Variants in SORCS2 observed in about 807,000 individuals in gnomAD.
The protein encoded by SORCS2 is VPS10 domain-containing receptor SorCS2.
A neutral mutation model predicts 141.6 loss-of-function variants in SORCS2; 100 were observed. The ratio of observed to expected loss-of-function variants is 0.71; its 90% CI spans 0.60 to 0.83. The LOEUF (loss-of-function observed/expected upper bound fraction) is 0.83. SORCS2 is among the 40% of genes least tolerant of loss of function. The pLI is 0.00. For missense variants in SORCS2, 1,646 were observed against 1,560.2 expected, an observed-to-expected ratio of 1.05 and a Z score of -0.93; for synonymous variants, 789 against 676.9, an observed-to-expected ratio of 1.17 and a Z score of -2.57.
At chr4:7,510,698 C>T (rs568143034) in intron 2 of SORCS2, among the ~76,000 whole-genome samples, 2 of 150,180 alleles carry the variant, frequency 1.3e-5, no homozygotes, top group South Asian at 2.1e-4. Context: ...TTGTTCTGGG[C>T]GCGGCATGTC....
intron 1 of SORCS2, among the ~76,000 whole-genome samples, chr4:7,340,133 A>G (rs1351845128): frequency 4.6e-5 from 7 of 152,130 alleles, no homozygotes; most frequent in African/African-American, 1.7e-4. Context: ...CCTTACCTTC[A>G]TTCTACACAG....
In SORCS2 at chr4:7,740,335, G is replaced by A. The variant is rs1712564790; in HGVS notation, c.*71G>A. 1.4e-6 allele frequency: 2 copies of A among 1,415,476 alleles called. No homozygotes were observed. Among genetic ancestry groups the A allele is most frequent in the Non-Finnish European group, 2.0e-6 (2 of 1,024,102 alleles). The allele number at this position is 1,415,476 out of a possible 1,614,324, so 87.7% of individuals were successfully genotyped here. A position where few individuals can be genotyped will look rare whatever the true frequency, so the allele number is the denominator to read the frequency against. On this transcript the variant is annotated 3_prime_UTR_variant, in exon 27 of 27. Transcript: ENST00000507866. ...ACCAGCAAAGCCGGCGGCTGGACTG[G>A]CGCCCCTCAGAGACCTGCGGAAAGC...
At chr4:7,703,745 G>T (rs188273046) in intron 13 of SORCS2, among the ~76,000 whole-genome samples, 1 of 151,920 alleles carries the variant, frequency 6.6e-6, no homozygotes, top group African/African-American at 2.4e-5. Flanking sequence ...GAAGGCCGTC[G>T]TGGGGAAGGG....
chr4:7,433,570 T>C (rs1463757254), intron 2 of SORCS2: 2 of 1,611,760 alleles, frequency 1.2e-6, no homozygotes, highest in Non-Finnish European at 1.7e-6. Context: ...GTGCTTGCAC[T>C]GGATCATATA....
At position 7,545,835 on chromosome 4, in the gene SORCS2, C is replaced by T. The variant is rs534276734; in HGVS notation, c.648+14206C>T. Among the ~76,000 whole-genome samples the T allele has an allele frequency of 3.3e-5, 5 of 152,226 alleles. No individual in the cohort carries two copies. In the East Asian group the frequency reaches 5.8e-4, roughly 18 times the overall value. ...CCTCCGTCAGCTCGGATGGCTCTCA[C>T]GAAACACTCCAAACTGGGTGACTTA... On this transcript the variant is annotated intron_variant, in intron 3 of 26. Coordinates refer to ENST00000507866, the MANE Select transcript of SORCS2 (RefSeq NM_020777.3).
At chr4:7,536,765 C>G (rs10937834) in intron 3 of SORCS2, among the ~76,000 whole-genome samples, 116,817 of 151,544 alleles carry the variant, frequency 0.77, 49,502 homozygotes, top group East Asian at 0.99. Flanking sequence ...CCTTCTGCTA[C>G]CCCCTCGGTG....
chr4:7,500,163 G>T (rs956612989), intron 2 of SORCS2, among the ~76,000 whole-genome samples: 1 of 152,118 alleles, frequency 6.6e-6, no homozygotes, highest in Non-Finnish European at 1.5e-5. Context: ...CCGGTGGTAC[G>T]TCCAGCTCCC....
chr4:7,703,424 T>C, intron 13 of SORCS2, 53 bp downstream of exon 13: 1 of 1,480,414 alleles, frequency 6.8e-7, no homozygotes, highest in Non-Finnish European at 9.2e-7. Flanking sequence ...GGCTCTTTCT[T>C]TCCACCTGGG....
At chr4:7,565,028 A>G (rs889323340) in intron 3 of SORCS2, among the ~76,000 whole-genome samples, 1 of 152,056 alleles carries the variant, frequency 6.6e-6, no homozygotes, top group Non-Finnish European at 1.5e-5. Context: ...GCTCCTCCTC[A>G]TGTTACGATT....
intron 1 of SORCS2, among the ~76,000 whole-genome samples, chr4:7,369,557 C>T (rs1233821318): frequency 6.6e-6 from 1 of 152,154 alleles, no homozygotes; most frequent in Non-Finnish European, 1.5e-5. Context: ...GGCGTGTCTA[C>T]CCCGGAGACC....
At chr4:7,416,523 GACACACTCAC>G (rs1431849373) in intron 2 of SORCS2, among the ~76,000 whole-genome samples, 1 of 150,600 alleles carries the variant, frequency 6.6e-6, no homozygotes, top group Non-Finnish European at 1.5e-5. Context: ...CCTCCATACT[GACACACTCAC>G]ACACGCCCAC....
At chr4:7,238,300 T>TGGC (rs1712432809) in intron 1 of SORCS2, among the ~76,000 whole-genome samples, 15 of 151,856 alleles carry the variant, frequency 9.9e-5, no homozygotes, top group African/African-American at 2.4e-4. Flanking sequence ...TGGGGGGGGT[T>TGGC]GCTGGTACTG....
chr4:7,475,490 C>T (rs1730235726), intron 2 of SORCS2, among the ~76,000 whole-genome samples: 1 of 152,202 alleles, frequency 6.6e-6, no homozygotes. Flanking sequence ...AGGAGTGTCC[C>T]AGCCTGGGAG....
At chr4:7,484,766 C>T (rs1008665570) in intron 2 of SORCS2, among the ~76,000 whole-genome samples, 4 of 151,962 alleles carry the variant, frequency 2.6e-5, no homozygotes, top group African/African-American at 7.3e-5. Flanking sequence ...CACACACCAC[C>T]TCCTGCACCC....
chr4:7,453,508 C>T (rs1728630237), intron 2 of SORCS2, among the ~76,000 whole-genome samples: 1 of 136,060 alleles, frequency 7.3e-6, no homozygotes, highest in Admixed American at 7.8e-5. Flanking sequence ...ATGTTAGTGT[C>T]ATGCGCCACG....
chr4:7,576,203 T>C (rs1715741975), intron 3 of SORCS2, among the ~76,000 whole-genome samples: 1 of 152,230 alleles, frequency 6.6e-6, no homozygotes, highest in African/African-American at 2.4e-5. Flanking sequence ...CTCAGCTGAA[T>C]TGCTGTTCCA....
At chr4:7,714,159 C>G in intron 15 of SORCS2, 81 bp from the exon 16 acceptor site, 1 of 1,511,636 alleles carries the variant, frequency 6.6e-7, no homozygotes, top group Non-Finnish European at 8.9e-7. Flanking sequence ...TCTTCAGGCT[C>G]TGGCAGCCTC....
chr4:7,701,517 G>T (rs1256054258), intron 12 of SORCS2, among the ~76,000 whole-genome samples: 1 of 152,188 alleles, frequency 6.6e-6, no homozygotes, highest in African/African-American at 2.4e-5. Flanking sequence ...CAAGGTCAAG[G>T]TGGGCAGGGG....
At chr4:7,724,716 A>T (rs57201551) in intron 19 of SORCS2, among the ~76,000 whole-genome samples, 1 of 21,908 alleles carries the variant, frequency 4.6e-5, no homozygotes. Flanking sequence ...TGGTGATAGT[A>T]TTGGTGGGAA....
Sources: gnomAD v4.1 joint callset for allele counts (sites outside exome capture counted in the v4.1 genomes callset) on GRCh38, gnomAD v4.1.1 for gene constraint, MANE v1.5 for transcripts, NCBI Gene and HGNC (gene_info 2026-07-23, HGNC 2026-07-21) for gene names.